Variants in ADGRV1 observed in about 807,000 individuals in gnomAD.
The protein encoded by ADGRV1 is adhesion G protein-coupled receptor V1.
A neutral mutation model predicts 596.2 loss-of-function variants in ADGRV1; 359 were observed. The observed-to-expected ratio is 0.60, with a 90% CI of 0.55 to 0.66. The LOEUF (loss-of-function observed/expected upper bound fraction) is 0.66, where lower values mean the gene tolerates loss of function less well. Ranked by LOEUF, ADGRV1 falls within the 30% of genes least tolerant of loss-of-function variation. The probability of loss-of-function intolerance (pLI) is 0.00; values close to 1 mark genes in which losing one functional copy is unlikely to be tolerated. For synonymous variants in ADGRV1, 2,681 were observed against 2,679.2 expected (o/e 1.00, Z -0.02); for missense variants, 7,274 against 7,575.6 (o/e 0.96, Z 1.48).
intron 83 of ADGRV1, among the ~76,000 whole-genome samples, chr5:90,892,238 T>C (rs1770893741): frequency 6.6e-6 from 1 of 152,094 alleles, no homozygotes; most frequent in Non-Finnish European, 1.5e-5. Context: ...TATAATAAAC[T>C]TTTATTATCT....
At chr5:90,815,828 G>C in intron 75 of ADGRV1, 92 bp downstream of exon 75, 1 of 746,296 alleles carries the variant, frequency 1.3e-6, no homozygotes, top group East Asian at 2.8e-5. Flanking sequence ...GGCAGGGTAA[G>C]ATAGAAGGAG....
intron 77 of ADGRV1, among the ~76,000 whole-genome samples, chr5:90,831,246 T>TAC (rs1177623705): frequency 1.4e-4 from 21 of 150,980 alleles, no homozygotes; most frequent in African/African-American, 3.2e-4. Context: ...TATATATATA[T>TAC]ACACACACAC....
chr5:91,097,059 T>C (rs1790937912), intron 86 of ADGRV1, among the ~76,000 whole-genome samples: 1 of 152,214 alleles, frequency 6.6e-6, no homozygotes, highest in Non-Finnish European at 1.5e-5. Context: ...TTTTTAAGCT[T>C]CAGTATCTCA....
chr5:90,946,213 G>A (rs370940196), intron 83 of ADGRV1, among the ~76,000 whole-genome samples: 13 of 152,062 alleles, frequency 8.5e-5, no homozygotes, highest in Non-Finnish European at 1.5e-4. Flanking sequence ...TGAAGGGACC[G>A]CAGTGCCGCA....
At chr5:90,766,917 A>T (rs1757207219) in intron 59 of ADGRV1, among the ~76,000 whole-genome samples, 1 of 152,160 alleles carries the variant, frequency 6.6e-6, no homozygotes, top group South Asian at 2.1e-4. Context: ...AATAATCAAA[A>T]GAAGGTGGGG....
chr5:90,811,439 T>C (rs1338905210), intron 74 of ADGRV1, 101 bp downstream of exon 74: 6 of 1,133,286 alleles, frequency 5.3e-6, no homozygotes, highest in African/African-American at 1.6e-5. Context: ...GTGAAGTTCT[T>C]AAGTTATTCA....
chr5:91,156,704 G>T (rs1796507289), intron 89 of ADGRV1, among the ~76,000 whole-genome samples: 1 of 152,050 alleles, frequency 6.6e-6, no homozygotes, highest in Non-Finnish European at 1.5e-5. Context: ...TACTTTAAAA[G>T]ACCAAAATAA....
At chr5:90,620,936 G>A (rs891285885) in intron 4 of ADGRV1, among the ~76,000 whole-genome samples, 1 of 152,138 alleles carries the variant, frequency 6.6e-6, no homozygotes, top group Non-Finnish European at 1.5e-5. Context: ...AATATTTTCT[G>A]AAGATTGAAA....
chr5:91,079,466 GTGTT>G (rs908130821), intron 86 of ADGRV1, among the ~76,000 whole-genome samples: 24 of 152,304 alleles, frequency 1.6e-4, no homozygotes, highest in African/African-American at 4.8e-4. Flanking sequence ...TAGTCATTCA[GTGTT>G]TGTTTTCTTC....
chr5:90,734,535 A>G (rs1420548948), intron 50 of ADGRV1, among the ~76,000 whole-genome samples: 2 of 150,354 alleles, frequency 1.3e-5, no homozygotes, highest in African/African-American at 4.9e-5. Flanking sequence ...CCTGTTGGCC[A>G]TATATAAGGC....
At chr5:91,023,884 G>A (rs1172362547) in intron 85 of ADGRV1, among the ~76,000 whole-genome samples, 1 of 152,018 alleles carries the variant, frequency 6.6e-6, no homozygotes, top group Non-Finnish European at 1.5e-5. Flanking sequence ...ATAGTAACTT[G>A]TCACCTACGT....
chr5:91,134,182 GTTTC>G (rs555705091), intron 87 of ADGRV1, among the ~76,000 whole-genome samples: 10 of 151,162 alleles, frequency 6.6e-5, no homozygotes, highest in East Asian at 1.9e-4. Context: ...ATGACCTGCT[GTTTC>G]TTTCTTTTTT....
At chr5:90,884,662 G>A (rs1014969593) in intron 83 of ADGRV1, among the ~76,000 whole-genome samples, 23 of 152,092 alleles carry the variant, frequency 1.5e-4, no homozygotes, top group Admixed American at 1.0e-3. Flanking sequence ...TTTGTGACTC[G>A]AACCAAACTA....
At chr5:91,027,999 G>T (rs996602078) in intron 85 of ADGRV1, among the ~76,000 whole-genome samples, 1 of 150,036 alleles carries the variant, frequency 6.7e-6, no homozygotes, top group Non-Finnish European at 1.5e-5. Context: ...AGACACAAGT[G>T]ACCCACTCAC....
intron 85 of ADGRV1, among the ~76,000 whole-genome samples, chr5:91,020,587 C>A (rs913916212): frequency 6.6e-6 from 1 of 151,986 alleles, no homozygotes; most frequent in African/African-American, 2.4e-5. Flanking sequence ...TCAATCACGC[C>A]ATTGCCTGGA....
At chr5:90,989,859 C>T (rs1276439891) in intron 85 of ADGRV1, among the ~76,000 whole-genome samples, 7 of 152,028 alleles carry the variant, frequency 4.6e-5, no homozygotes. Flanking sequence ...TCTTGTTGCC[C>T]GGGCTGGAGT....
chr5:90,996,178 C>T (rs1021823134), intron 85 of ADGRV1, among the ~76,000 whole-genome samples: 7 of 152,058 alleles, frequency 4.6e-5, no homozygotes, highest in African/African-American at 1.7e-4. Flanking sequence ...GAAAATGCCT[C>T]CTAGGCATTT....
In ADGRV1 at chr5:90,848,705, T is replaced by C. The variant is rs776431874; in HGVS notation, c.17088T>C (p.Cys5696=). 1.3e-5 allele frequency: 20 copies of C among 1,588,764 alleles called. No homozygotes were observed. The highest frequency in any genetic ancestry group is 1.8e-5 in the Admixed American group (1 of 55,668). ...GAACTCTTTTCTATGAGATTCTTTG[T>C]TCTCTTATTAACCCAAAGCGCAAGG... ...ASRTLFYEIL[C]SLINPKRKDT... Residue 5696 remains cysteine, a synonymous_variant, in exon 79 of 90, where the codon TGT becomes TGC. Transcript: ENST00000405460.
intron 87 of ADGRV1, among the ~76,000 whole-genome samples, chr5:91,148,567 C>A (rs187162828): frequency 6.6e-6 from 1 of 152,196 alleles, no homozygotes; most frequent in Non-Finnish European, 1.5e-5. Context: ...TGCCTGGACA[C>A]CCGGGCAGAA....
Sources: allele counts gnomAD v4.1 joint callset (sites outside exome capture counted in the v4.1 genomes callset), GRCh38; gene constraint gnomAD v4.1.1; transcripts MANE v1.5; gene names NCBI Gene and HGNC (gene_info 2026-07-23, HGNC 2026-07-21).